ADH4: variants seen among roughly 807,000 people sequenced by gnomAD.
ADH4 encodes the protein alcohol dehydrogenase 4 (class II), pi polypeptide.
Under a neutral mutation model 35.2 loss-of-function variants are expected in ADH4, and 31 were observed. That is an observed-to-expected ratio of 0.88 (90% CI 0.66 to 1.19). The LOEUF is 1.19. Ranked by LOEUF, ADH4 falls within the 50% of genes most tolerant of loss-of-function variation. The pLI is 0.00. For missense variants in ADH4, 476 were observed against 458.3 expected (o/e 1.04, Z -0.35); for synonymous variants, 171 against 160.2 (o/e 1.07, Z -0.51).
intron 5 of ADH4, chr4:99,133,691 A>G (rs1362763653): frequency 6.6e-6 from 1 of 152,192 alleles, no homozygotes; most frequent in Non-Finnish European, 1.5e-5. Context: ...CCACTTCTGT[A>G]TATACAACCA....
intron 6 of ADH4, among the ~76,000 whole-genome samples, chr4:99,128,911 C>G (rs962888669): frequency 2.0e-5 from 3 of 151,902 alleles, no homozygotes; most frequent in Non-Finnish European, 2.9e-5. Flanking sequence ...GTTATTTTCT[C>G]ACCTTACCCT....
intron 5 of ADH4, 97 bp from the exon 6 acceptor site, chr4:99,131,861 T>C: frequency 7.5e-7 from 1 of 1,327,364 alleles, no homozygotes. Flanking sequence ...AACATATGAA[T>C]TAAAGACAGC....
At chr4:99,141,726 T>C in intron 2 of ADH4, 44 bp from the exon 3 acceptor site, 2 of 1,585,390 alleles carry the variant, frequency 1.3e-6, no homozygotes, top group African/African-American at 1.3e-5. Flanking sequence ...TGCAACTATA[T>C]TATTGGGCTG....
At chr4:99,143,101 T>C (rs1226062228) in intron 1 of ADH4, 1 of 699,690 alleles carries the variant, frequency 1.4e-6, no homozygotes, top group Admixed American at 2.0e-5. Context: ...TTTATGGAGT[T>C]TGAATAAGGT....
intron 2 of ADH4, 68 bp downstream of exon 2, chr4:99,142,611 G>T: frequency 3.0e-6 from 3 of 990,948 alleles, no homozygotes; most frequent in South Asian, 2.5e-5. Context: ...ACAGAGGATT[G>T]ACCTGACAGA....
Position 99,139,232 on chromosome 4 carries a change from C to A in ADH4, c.263-84G>T, listed in dbSNP as rs530159499. On this transcript the variant is annotated intron_variant, in intron 3 of 8. Transcript: ENST00000265512. ...GATAAATCAGTGGAAAACACCTTTTCTTTATAGTATACATTTTATATTCAG... is the reference window on the plus strand; with the variant it reads ...GATAAATCAGTGGAAAACACCTTTTATTTATAGTATACATTTTATATTCAG... The A allele has an allele frequency of 1.2e-5, 10 of 829,352 alleles. 1 individual carries two copies. In the East Asian group the frequency reaches 1.3e-4, roughly 11 times the overall value. 51.4% of individuals were successfully genotyped at this position (829,352 alleles called of 1,614,324 possible). A position where few individuals can be genotyped will look rare whatever the true frequency, so the allele number is the denominator to read the frequency against.
chr4:99,142,037 T>C (rs1729641303), intron 2 of ADH4, among the ~76,000 whole-genome samples: 1 of 152,208 alleles, frequency 6.6e-6, no homozygotes, highest in Non-Finnish European at 1.5e-5. Context: ...TCAAGGATTG[T>C]CTGAATTAAT....
In ADH4 at chr4:99,126,578, T is replaced by A. The variant is rs764524833; in HGVS notation, c.1118+16A>T. The stretch of plus-strand genomic sequence containing the variant: ...AAACGTTTTTTAAATCATTCAGTCA[T>A]CTATTAGTAATGTACCTTTTTCCTT... On this transcript the variant is annotated intron_variant, in intron 8 of 8. Transcript: ENST00000265512. The A allele has an allele frequency of 1.9e-6, 3 of 1,575,564 alleles. No homozygotes were observed. Among genetic ancestry groups the A allele is most frequent in the Non-Finnish European group, 2.6e-6 (3 of 1,153,350 alleles).
chr4:99,133,534 T>G (rs1729349332), intron 5 of ADH4: 1 of 152,250 alleles, frequency 6.6e-6, no homozygotes, highest in African/African-American at 2.4e-5. Context: ...TACTTCACTT[T>G]CCTTAATTTC....
At position 99,136,625 on chromosome 4, in the gene ADH4, T is replaced by C. The variant is rs771661519; in HGVS notation, c.423A>G (p.Lys141=). 2.5e-6 allele frequency: 4 copies of C among 1,614,096 alleles called. No homozygotes were observed. Among genetic ancestry groups the C allele is most frequent in the South Asian group, 1.1e-5 (1 of 91,078 alleles). The part of the protein sequence containing the change: ...DKTSRFTCKG[K]PVYHFFGTST... ...TGGTTCCAAAGAAATGGTAAACTGG[T>C]TTTCCTTTGCAGGTAAACCTGCTGG... The change falls in exon 5 of 9, where the codon AAA becomes AAG. Residue 141 remains lysine, a synonymous_variant. Transcript: ENST00000265512.
intron 5 of ADH4, among the ~76,000 whole-genome samples, chr4:99,135,751 T>A (rs1010484283): frequency 5.3e-5 from 8 of 152,124 alleles, no homozygotes; most frequent in African/African-American, 1.9e-4. Context: ...TCTTCAGACT[T>A]GTTGTTTGAA....
At chr4:99,138,937 C>A in intron 4 of ADH4, 124 bp downstream of exon 4, 2 of 644,064 alleles carry the variant, frequency 3.1e-6, no homozygotes, top group South Asian at 4.1e-5. Flanking sequence ...ATCTTGTACA[C>A]ACCTAGGATT....
At chr4:99,142,314 G>A (rs1474981980) in intron 2 of ADH4, among the ~76,000 whole-genome samples, 4 of 152,142 alleles carry the variant, frequency 2.6e-5, no homozygotes, top group African/African-American at 4.8e-5. Flanking sequence ...TTTTTCTTCT[G>A]TCTTGTTTTC....
chr4:99,132,582 T>C (rs6848050), intron 5 of ADH4, among the ~76,000 whole-genome samples: 113,803 of 152,082 alleles, frequency 0.75, 43,149 homozygotes, highest in East Asian at 1. Context: ...TTAAATTCCA[T>C]ATTATTATGA....
chr4:99,143,349 G>T lies in ADH4; in HGVS notation c.19-569C>A. 3 of 636,688 alleles carry T rather than the reference G, an allele frequency of 4.7e-6. No homozygotes were observed. In the South Asian group the frequency reaches 5.3e-5, roughly 11 times the overall value. 39.4% of individuals were successfully genotyped at this position (636,688 alleles called of 1,614,324 possible). ...CCCAGAGAATTCATTAAAAGTCTGA[G>T]AAATGAGGCTTACATCATTATTAAA... On this transcript the variant is annotated intron_variant, in intron 1 of 8. Transcript: ENST00000265512.
At position 99,136,603 on chromosome 4, in the gene ADH4, T is replaced by A; in HGVS notation, c.445A>T (p.Thr149Ser). 6.2e-7 allele frequency: 1 copy of A among 1,614,136 alleles called. No individual in the cohort carries two copies. The highest frequency in any genetic ancestry group is 8.5e-7 in the Non-Finnish European group (1 of 1,179,990). Reference sequence around the variant, plus strand: ...ACAGTGTACTGAGAGAATGTACTGGTTCCAAAGAAATGGTAAACTGGTTTT... The same window carrying A: ...ACAGTGTACTGAGAGAATGTACTGGATCCAAAGAAATGGTAAACTGGTTTT... The part of the protein sequence containing the change: ...KGKPVYHFFG[T>S]STFSQYTVVS... The change falls in exon 5 of 9, where the codon ACC becomes TCC. Residue 149 changes from threonine to serine, a missense_variant. By Grantham distance (58) the Thr-to-Ser change is moderately conservative (BLOSUM62 1). Coordinates refer to ENST00000265512, the MANE Select transcript of ADH4 (RefSeq NM_000670.5).
intron 2 of ADH4, among the ~76,000 whole-genome samples, chr4:99,142,053 A>T (rs568692960): frequency 6.6e-6 from 1 of 152,322 alleles, no homozygotes; most frequent in African/African-American, 2.4e-5. Context: ...TTAATTACCA[A>T]TGTATACCTA....
intron 1 of ADH4, 78 bp from the exon 2 acceptor site, chr4:99,142,858 A>C: frequency 3.1e-6 from 3 of 972,446 alleles, no homozygotes; most frequent in Non-Finnish European, 3.0e-6. Context: ...AGAGGAGATC[A>C]TGAGAAAAAA....
At chr4:99,131,092 T>G (rs936759151) in intron 6 of ADH4, among the ~76,000 whole-genome samples, 3 of 152,102 alleles carry the variant, frequency 2.0e-5, no homozygotes, top group Non-Finnish European at 2.9e-5. Flanking sequence ...AAAGGAACAT[T>G]TCTCTAATTA....
Sources: gnomAD v4.1 joint callset for allele counts (sites outside exome capture counted in the v4.1 genomes callset) on GRCh38, gnomAD v4.1.1 for gene constraint, MANE v1.5 for transcripts, NCBI Gene and HGNC (gene_info 2026-07-23, HGNC 2026-07-21) for gene names.